Variants in NAV2 observed in about 807,000 individuals in gnomAD.
NAV2 encodes the protein helicase, APC down-regulated 1.
A neutral mutation model predicts 223.2 loss-of-function variants in NAV2; 54 were observed. The observed-to-expected ratio is 0.24, with a 90% CI of 0.19 to 0.30. The LOEUF is 0.30. Among genes scored for constraint, NAV2 ranks in the 10% least tolerant of loss-of-function variants. The probability of loss-of-function intolerance (pLI) is 1.00; values close to 1 mark genes in which losing one functional copy is unlikely to be tolerated. For synonymous variants in NAV2, 1,279 were observed against 1,239.3 expected, an observed-to-expected ratio of 1.03 and a Z score of -0.67; for missense variants, 2,806 against 3,147.5, an observed-to-expected ratio of 0.89 and a Z score of 2.60.
chr11:19,877,965 C>T (rs2062958532), intron 4 of NAV2, among the ~76,000 whole-genome samples: 2 of 152,182 alleles, frequency 1.3e-5, no homozygotes, highest in African/African-American at 2.4e-5. Flanking sequence ...GAACATGCTA[C>T]AGGTGTGTGG....
intron 6 of NAV2, among the ~76,000 whole-genome samples, chr11:19,901,865 T>C (rs2153190437): frequency 6.6e-6 from 1 of 152,354 alleles, no homozygotes; most frequent in Non-Finnish European, 1.5e-5. Flanking sequence ...TGCTGTCTTG[T>C]TTCTGCTAAG....
In NAV2 at chr11:19,713,232, C is replaced by CT. The variant is rs1348434463; in HGVS notation, c.-463dup. On this transcript the variant is annotated 5_prime_UTR_variant, in exon 1 of 38. Transcript: ENST00000349880. The surrounding 1 kb of genome is among the most constrained non-coding windows in gnomAD (Gnocchi z 7.2). ...TTCCTTCCTTGGCTGCTCGCTCTTT[C>CT]TCTCGCCGGCTCAGACCCGTAGCCT... is the stretch of plus-strand genomic sequence containing the variant. 19 of 834,704 alleles carry CT rather than the reference C, an allele frequency of 2.3e-5. No individual in the cohort carries two copies. Among genetic ancestry groups the CT allele is most frequent in the Non-Finnish European group, 2.3e-5 (16 of 690,956 alleles). 51.7% of individuals were successfully genotyped at this position (834,704 alleles called of 1,614,324 possible).
At chr11:19,348,276 C>T (rs991802802), upstream of NAV2, among the ~76,000 whole-genome samples, 11 of 152,156 alleles carry the variant, frequency 7.2e-5, no homozygotes, top group African/African-American at 2.7e-4. Flanking sequence ...AATGAGGCAG[C>T]CCCGATGGAG....
chr11:19,985,732 A>G (rs534892570), intron 11 of NAV2, among the ~76,000 whole-genome samples: 87 of 152,106 alleles, frequency 5.7e-4, no homozygotes, highest in African/African-American at 2.0e-3. Context: ...GTGTACCAGC[A>G]TGCCCAGCTA....
At position 19,796,343 on chromosome 11, in the gene NAV2, C is replaced by G. The variant is rs138191218; in HGVS notation, c.268-36141C>G. 1.2e-4 allele frequency among the ~76,000 whole-genome samples: 18 copies of G among 152,270 alleles called. 1 individual carries two copies. The highest frequency in any genetic ancestry group is 2.6e-4 in the Admixed American group (4 of 15,292). ...AGAAAGAGGGCCCTCTGCCTCAATCCTCATGCAGGTGCACCTTATTGACAG... is the reference window on the plus strand; with the variant it reads ...AGAAAGAGGGCCCTCTGCCTCAATCGTCATGCAGGTGCACCTTATTGACAG... On this transcript the variant is annotated intron_variant, in intron 1 of 37. Transcript: ENST00000349880.
intron 1 of NAV2, among the ~76,000 whole-genome samples, chr11:19,485,838 G>T (rs546738181): frequency 6.6e-6 from 1 of 152,216 alleles, no homozygotes; most frequent in African/African-American, 2.4e-5. Context: ...ATGGAATAAA[G>T]ATGCCATGGA....
chr11:19,540,963 A>T (rs943517308), intron 1 of NAV2, among the ~76,000 whole-genome samples: 7 of 152,230 alleles, frequency 4.6e-5, no homozygotes, highest in African/African-American at 1.4e-4. Flanking sequence ...AAGAGAAGAG[A>T]ATACAAGAGA....
intron 1 of NAV2, among the ~76,000 whole-genome samples, chr11:19,638,435 A>C (rs1382592815): frequency 6.6e-6 from 1 of 152,236 alleles, no homozygotes; most frequent in East Asian, 1.9e-4. Flanking sequence ...GGATTAAGAC[A>C]GACCTGAGTT....
At chr11:19,552,649 C>T (rs539211511) in intron 1 of NAV2, among the ~76,000 whole-genome samples, 55 of 152,252 alleles carry the variant, frequency 3.6e-4, no homozygotes, top group Non-Finnish European at 4.6e-4. Flanking sequence ...ACGGTAGGAC[C>T]ATAAATTATT....
rs953665656 is a variant in NAV2 at position 20,082,688 on chromosome 11, G to A, written c.5326-319G>A. The A allele has an allele frequency of 9.1e-6, 12 of 1,311,838 alleles. No homozygotes were observed. The African/African-American group carries it at 1.7e-4, about 19-fold the overall frequency. 81.3% of individuals were successfully genotyped at this position (1,311,838 alleles called of 1,614,324 possible). A position where few individuals can be genotyped will look rare whatever the true frequency, so the allele number is the denominator to read the frequency against. ...CATCCGCATCCATCACCGTGTCTGA[G>A]CATCCTGCTTTGTTGCTGTGTAACC... On this transcript the variant is annotated intron_variant, in intron 25 of 37. Transcript: ENST00000349880.
intron 1 of NAV2, among the ~76,000 whole-genome samples, chr11:19,628,329 C>T (rs896142504): frequency 3.9e-5 from 6 of 152,212 alleles, no homozygotes; most frequent in African/African-American, 9.6e-5. Flanking sequence ...CATCCACTCC[C>T]GCTTCCCCAC....
rs80027856 is a variant in NAV2 at position 19,613,180 on chromosome 11, C to G, written c.76-219304C>G. ...CCCGCCGTGGGTCTCTCCCACAACA[C>G]TTGGGAATTCTGGGAGATGCAATTC... is the stretch of plus-strand genomic sequence containing the variant. On this transcript the variant is annotated intron_variant, in intron 1 of 37. Transcript: ENST00000360655. Among the ~76,000 whole-genome samples, 843 of 152,212 alleles carry G rather than the reference C, an allele frequency of 5.5e-3. 3 individuals carry two copies. The highest frequency in any genetic ancestry group is 0.019 in the African/African-American group (799 of 41,516).
intron 1 of NAV2, among the ~76,000 whole-genome samples, chr11:19,493,230 G>T (rs2042688270): frequency 6.8e-6 from 1 of 146,830 alleles, no homozygotes; most frequent in Non-Finnish European, 1.5e-5. Flanking sequence ...TCCTCCAATA[G>T]AATACTATAC....
chr11:20,006,317 G>C (rs1281818606), intron 11 of NAV2, among the ~76,000 whole-genome samples: 1 of 152,034 alleles, frequency 6.6e-6, no homozygotes, highest in Non-Finnish European at 1.5e-5. Flanking sequence ...CAGCCTGGGG[G>C]TGGTAGCAGA....
rs529670108 is a variant in NAV2, at chr11:19,441,452, A to G, written c.75+90425A>G. Among the ~76,000 whole-genome samples, 300 of 150,656 alleles carry G rather than the reference A, an allele frequency of 2.0e-3. 1 individual carries two copies. Among genetic ancestry groups the G allele is most frequent in the African/African-American group, 6.8e-3 (275 of 40,686 alleles). On this transcript the variant is annotated intron_variant, in intron 1 of 37. Transcript: ENST00000360655. ...GGGACACACACACACACACACGCAC[A>G]CACACACACACACACACACACCCTT...
At chr11:19,736,222 A>C (rs2052286396) in intron 1 of NAV2, among the ~76,000 whole-genome samples, 1 of 152,220 alleles carries the variant, frequency 6.6e-6, no homozygotes, top group African/African-American at 2.4e-5. Context: ...TACAAACAAA[A>C]AAATACTGAA....
intron 1 of NAV2, among the ~76,000 whole-genome samples, chr11:19,554,239 T>C (rs2044791043): frequency 6.6e-6 from 1 of 152,198 alleles, no homozygotes; most frequent in African/African-American, 2.4e-5. Context: ...GAATTTTAAT[T>C]TGAGAAATGA....
chr11:19,413,770 T>G (rs759938305), intron 1 of NAV2, among the ~76,000 whole-genome samples: 19 of 152,156 alleles, frequency 1.2e-4, no homozygotes, highest in Non-Finnish European at 2.2e-4. Flanking sequence ...GGGCCAATAT[T>G]CAATATTTTT....
At chr11:19,950,245 A>G (rs1052352182) in intron 10 of NAV2, among the ~76,000 whole-genome samples, 30 of 152,222 alleles carry the variant, frequency 2.0e-4, no homozygotes, top group African/African-American at 7.2e-4. Context: ...TGGGTGAGCC[A>G]GTATTTTTAT....
Sources: gnomAD v4.1 joint callset for allele counts (sites outside exome capture counted in the v4.1 genomes callset) on GRCh38, gnomAD v4.1.1 for gene constraint, Gnocchi (gnomAD v3.1) non-coding constraint, MANE v1.5 for transcripts, NCBI Gene and HGNC (gene_info 2026-07-23, HGNC 2026-07-21) for gene names.